KSR1: variants seen among roughly 807,000 people sequenced by gnomAD.
KSR1 encodes the protein kinase suppressor of ras 1.
A neutral mutation model predicts 92.9 loss-of-function variants in KSR1; 35 were observed. The ratio of observed to expected loss-of-function variants is 0.38; its 90% CI spans 0.29 to 0.50. The LOEUF is 0.50. KSR1 is among the 20% of genes least tolerant of loss of function. The probability of loss-of-function intolerance (pLI) is 0.94; values close to 1 mark genes in which losing one functional copy is unlikely to be tolerated. For synonymous variants in KSR1, 467 were observed against 472.6 expected, an observed-to-expected ratio of 0.99 and a Z score of 0.15; for missense variants, 972 against 1,158.5, an observed-to-expected ratio of 0.84 and a Z score of 2.34.
At chr17:27,521,407 C>T (rs534472567) in intron 1 of KSR1, among the ~76,000 whole-genome samples, 2 of 150,602 alleles carry the variant, frequency 1.3e-5, no homozygotes, top group African/African-American at 4.9e-5. Flanking sequence ...TCACTGGAGC[C>T]CCGACTTCCT....
chr17:27,577,607 C>T lies in KSR1; in HGVS notation c.488C>T (p.Ala163Val), dbSNP rs746238178. The T allele has an allele frequency of 2.5e-6, 4 of 1,591,740 alleles. No individual in the cohort carries two copies. The highest frequency in any genetic ancestry group is 3.4e-6 in the Non-Finnish European group (4 of 1,173,708). Residue 163 changes from alanine to valine, a missense_variant, in exon 3 of 21, where the codon GCC (alanine) becomes GTC (valine). This residue lies in a region of KSR1 where 611 missense variants were observed against 668.0 expected (regional missense o/e 0.91). Transcript: ENST00000644974. This position sits in a 1 kb window ranked among gnomAD's most constrained non-coding sequence, Gnocchi z 4.5. ...SGDECGRLQY[A>V]LTCLRKVTGL... ...GATGAGTGTGGCCGTCTGCAGTATG[C>T]CCTCACCTGCCTGCGGAAGGTGACA...
At chr17:27,468,572 G>A (rs1164365285) in intron 1 of KSR1, among the ~76,000 whole-genome samples, 1 of 152,166 alleles carries the variant, frequency 6.6e-6, no homozygotes, top group Non-Finnish European at 1.5e-5. Context: ...GCTCTGTTTT[G>A]GCGATGGTGG....
intron 10 of KSR1, among the ~76,000 whole-genome samples, chr17:27,600,936 T>C (rs2073533744): frequency 6.6e-6 from 1 of 152,032 alleles, no homozygotes; most frequent in African/African-American, 2.4e-5. Context: ...GAAAAAAATG[T>C]GGGTAGGGAG....
chr17:27,483,904 G>C (rs141054340), intron 1 of KSR1: 1 of 152,338 alleles, frequency 6.6e-6, no homozygotes, highest in Non-Finnish European at 1.5e-5. Flanking sequence ...TACAAAAATA[G>C]ACCTTTTGAA....
chr17:27,616,127 G>T (rs904060302), intron 18 of KSR1, among the ~76,000 whole-genome samples: 1 of 152,150 alleles, frequency 6.6e-6, no homozygotes, highest in African/African-American at 2.4e-5. Flanking sequence ...TTTTTAGTGA[G>T]GTCCCTTTAT....
chr17:27,585,579 G>A lies in KSR1; in HGVS notation c.981-78G>A, dbSNP rs974926604. Reference sequence around the variant, plus strand: ...ACGTCCCAGCCCCTTGCCTGCTCCCGCCCAAGGGTAGTGTTCTAGGAACAC... The same window carrying A: ...ACGTCCCAGCCCCTTGCCTGCTCCCACCCAAGGGTAGTGTTCTAGGAACAC... On this transcript the variant is annotated intron_variant, in intron 4 of 20. Coordinates refer to ENST00000644974, the MANE Select transcript of KSR1 (RefSeq NM_001394583.1). The A allele has an allele frequency of 1.2e-5, 9 of 723,804 alleles. No individual in the cohort carries two copies. In the East Asian group the frequency reaches 1.3e-4, roughly 11 times the overall value. 44.8% of individuals were successfully genotyped at this position (723,804 alleles called of 1,614,324 possible). A position where few individuals can be genotyped will look rare whatever the true frequency, so the allele number is the denominator to read the frequency against.
In KSR1 at chr17:27,626,282, C is replaced by T. The variant is rs899130230; in HGVS notation, c.*2890C>T. On this transcript the variant is annotated 3_prime_UTR_variant, in exon 21 of 21. Transcript: ENST00000644974. The stretch of plus-strand genomic sequence containing the variant: ...AAGTTTTTATATTTTCTATCAACTA[C>T]ATTTGTCTTCCAGACATGCTATTAA... The T allele has an allele frequency of 2.6e-5, 4 of 152,246 alleles. No individual in the cohort carries two copies. The highest frequency in any genetic ancestry group is 9.6e-5 in the African/African-American group (4 of 41,462). 9.4% of individuals were successfully genotyped at this position (152,246 alleles called of 1,614,324 possible). A position where few individuals can be genotyped will look rare whatever the true frequency, so the allele number is the denominator to read the frequency against.
intron 11 of KSR1, among the ~76,000 whole-genome samples, chr17:27,602,285 G>A (rs2073592502): frequency 6.6e-6 from 1 of 152,176 alleles, no homozygotes; most frequent in South Asian, 2.1e-4. Context: ...AGCAGTCAGG[G>A]CCCTGAGAAC....
chr17:27,584,755 C>G (rs116410377), intron 4 of KSR1, among the ~76,000 whole-genome samples: 4 of 152,164 alleles, frequency 2.6e-5, no homozygotes, highest in Non-Finnish European at 4.4e-5. Flanking sequence ...CAGGCCACCT[C>G]GCTGTTCTGG....
At chr17:27,603,361 C>T (rs915521952) in intron 11 of KSR1, among the ~76,000 whole-genome samples, 2 of 152,250 alleles carry the variant, frequency 1.3e-5, no homozygotes, top group Non-Finnish European at 2.9e-5. Flanking sequence ...TAATGAGCCA[C>T]CTGCATGTCC....
rs1157035463 is a variant in KSR1, at chr17:27,611,778, G to T, written c.2493+149G>T. ...GTCTAGCTAGAGATGAAAATGATAT[G>T]CATTGCCCGGGAATGGGGAAGGAAC... On this transcript the variant is annotated intron_variant, in intron 18 of 20. Coordinates refer to ENST00000644974, the MANE Select transcript of KSR1 (RefSeq NM_001394583.1). 3 of 896,302 alleles carry T rather than the reference G, an allele frequency of 3.3e-6. No homozygotes were observed. The African/African-American group carries it at 5.0e-5, about 15-fold the overall frequency. The allele number at this position is 896,302 out of a possible 1,614,324, so 55.5% of individuals were successfully genotyped here. A position where few individuals can be genotyped will look rare whatever the true frequency, so the allele number is the denominator to read the frequency against.
At chr17:27,503,669 A>G (rs2069271834) in intron 1 of KSR1, among the ~76,000 whole-genome samples, 1 of 152,152 alleles carries the variant, frequency 6.6e-6, no homozygotes, top group South Asian at 2.1e-4. Context: ...TTCTTCAGTT[A>G]GGTGTGGATG....
intron 1 of KSR1, among the ~76,000 whole-genome samples, chr17:27,466,283 G>A (rs553884476): frequency 6.6e-6 from 1 of 152,352 alleles, no homozygotes; most frequent in African/African-American, 2.4e-5. Context: ...ATAAAATTGG[G>A]TGGTTGAAGA....
At chr17:27,570,098 A>G (rs1293106748) in intron 2 of KSR1, among the ~76,000 whole-genome samples, 1 of 152,220 alleles carries the variant, frequency 6.6e-6, no homozygotes, top group Non-Finnish European at 1.5e-5. Flanking sequence ...ACCTCCTTGG[A>G]GGAGCCTCCT....
At chr17:27,496,021 T>G (rs1286311702) in intron 1 of KSR1, among the ~76,000 whole-genome samples, 1 of 152,192 alleles carries the variant, frequency 6.6e-6, no homozygotes, top group African/African-American at 2.4e-5. Flanking sequence ...TGGAACGTTT[T>G]GAGTTCTGCC....
chr17:27,557,043 G>T (rs909719823), intron 2 of KSR1, among the ~76,000 whole-genome samples: 1 of 152,196 alleles, frequency 6.6e-6, no homozygotes, highest in South Asian at 2.1e-4. Flanking sequence ...CCTGATCCAG[G>T]TCTGTGGGGA....
chr17:27,463,172 C>T (rs2019529071), intron 1 of KSR1, among the ~76,000 whole-genome samples: 1 of 152,150 alleles, frequency 6.6e-6, no homozygotes, highest in South Asian at 2.1e-4. Context: ...TACATTTATC[C>T]ATTTGCCACT....
intron 1 of KSR1, among the ~76,000 whole-genome samples, chr17:27,484,828 G>A (rs2068617570): frequency 6.6e-6 from 1 of 152,224 alleles, no homozygotes; most frequent in African/African-American, 2.4e-5. Context: ...GGATTAACCG[G>A]GGAGCTGCGC....
intron 3 of KSR1, chr17:27,578,079 T>C: frequency 3.6e-6 from 1 of 276,442 alleles, no homozygotes; most frequent in Non-Finnish European, 7.1e-6. Flanking sequence ...ACTCTATGGC[T>C]CTTTAGCTGG....
Sources: allele counts gnomAD v4.1 joint callset (sites outside exome capture counted in the v4.1 genomes callset), GRCh38; gene constraint gnomAD v4.1.1; regional missense constraint gnomAD v4.1.1; non-coding constraint Gnocchi (gnomAD v3.1); transcripts MANE v1.5; gene names NCBI Gene and HGNC (gene_info 2026-07-23, HGNC 2026-07-21).